EAPP: variants seen among roughly 807,000 people sequenced by gnomAD.
The protein encoded by EAPP is E2F-associated phosphoprotein.
In EAPP, 38 loss-of-function variants were observed where a neutral mutation model predicts 34.3. That is an observed-to-expected ratio of 1.11 (90% confidence interval 0.85 to 1.45). The LOEUF (loss-of-function observed/expected upper bound fraction) is 1.45. Among genes scored for constraint, EAPP ranks in the 40% most tolerant of loss-of-function variants. The probability of loss-of-function intolerance (pLI) is 0.00; values close to 1 mark genes in which losing one functional copy is unlikely to be tolerated. For synonymous variants in EAPP, 113 were observed against 117.6 expected (o/e 0.96, Z 0.25); for missense variants, 338 against 343.7 (o/e 0.98, Z 0.13).
rs1260517863 is a variant in EAPP, at chr14:34,536,109, A to G, written c.241T>C (p.Ser81Pro). Residue 81 changes from serine (S) to proline (P), a missense_variant, in exon 2 of 6, where the codon TCC becomes CCC. By Grantham distance (74) the Ser-to-Pro change is moderately conservative. Transcript: ENST00000250454. Reference protein sequence around the residue: ...STMKTMEDKLSSLGTGSSSGN... With the variant: ...STMKTMEDKLPSLGTGSSSGN... ...AAAAGTTTACCAGTTCCCAGAGAGG[A>G]TAACTTGTCCTCCATTGTTTTCATG... The G allele has an allele frequency of 1.9e-6, 3 of 1,609,754 alleles. No individual in the cohort carries two copies. Among genetic ancestry groups the G allele is most frequent in the Non-Finnish European group, 2.5e-6 (3 of 1,178,884 alleles).
intron 1 of EAPP, 177 bp downstream of exon 1, chr14:34,539,378 T>TC (rs974793034): frequency 2.2e-5 from 16 of 723,532 alleles, no homozygotes; most frequent in African/African-American, 1.7e-4. Flanking sequence ...CGGCACCGCC[T>TC]CCCCCCGGGA....
chr14:34,529,453 C>CT lies in EAPP; in HGVS notation c.374dup (p.Lys126GlufsTer10), dbSNP rs1257825851. On this transcript the variant is annotated frameshift_variant, in exon 4 of 6. Coordinates refer to ENST00000250454, the MANE Select transcript of EAPP (RefSeq NM_018453.4). LOFTEE classifies it high-confidence loss of function. Reference sequence around the variant, plus strand: ...TTGTTGGAATCTTGTGTTGTTTCTTCTTTTTTTTCTTGGTCACCTGTACTA... The same window carrying CT: ...TTGTTGGAATCTTGTGTTGTTTCTTCTTTTTTTTTCTTGGTCACCTGTACTA... The CT allele has an allele frequency of 5.6e-6, 9 of 1,610,954 alleles. No homozygotes were observed. The highest frequency in any genetic ancestry group is 1.1e-5 in the South Asian group (1 of 90,864).
rs749561653 is a variant in EAPP, at chr14:34,529,362, T to G, written c.466A>C (p.Arg156=). 2 of 1,594,842 alleles carry G rather than the reference T, an allele frequency of 1.3e-6. No individual in the cohort carries two copies. Among genetic ancestry groups the G allele is most frequent in the East Asian group, 4.5e-5 (2 of 44,774 alleles). Residue 156 remains arginine, a synonymous_variant, in exon 4 of 6, where the codon AGG becomes CGG. Coordinates refer to ENST00000250454, the MANE Select transcript of EAPP (RefSeq NM_018453.4). ...ATATTAACTTTAAGTTCTTACCCCC[T>G]TCTCTGTGCATCAACCCAGGCCTGA... ...RDQAWVDAQR[R]GYHGLGPQRS...
intron 5 of EAPP, among the ~76,000 whole-genome samples, chr14:34,518,768 G>C (rs564436047): frequency 6.6e-6 from 1 of 152,184 alleles, no homozygotes; most frequent in East Asian, 1.9e-4. Context: ...TACAGTCCTT[G>C]ATTGTAGTCT....
intron 3 of EAPP, among the ~76,000 whole-genome samples, chr14:34,531,369 G>A (rs1880283195): frequency 6.6e-6 from 1 of 152,078 alleles, no homozygotes; most frequent in South Asian, 2.1e-4. Flanking sequence ...TTGGAAGCCT[G>A]AGGCGGGCGG....
intron 3 of EAPP, 37 bp from the exon 4 acceptor site, chr14:34,529,512 T>A: frequency 7.4e-7 from 1 of 1,346,582 alleles, no homozygotes; most frequent in South Asian, 1.2e-5. Flanking sequence ...CTAAGAATCA[T>A]GTGTCAAGTT....
intron 2 of EAPP, chr14:34,535,734 A>G (rs778781369): frequency 1.9e-5 from 3 of 162,130 alleles, no homozygotes; most frequent in East Asian, 1.8e-4. Flanking sequence ...GCCCGGCCCA[A>G]ATTTTTTTTT....
At chr14:34,517,145 A>G (rs764513732) in intron 5 of EAPP, among the ~76,000 whole-genome samples, 28 of 151,048 alleles carry the variant, frequency 1.9e-4, no homozygotes, top group Non-Finnish European at 3.2e-4. Context: ...TCATTGTGTT[A>G]GCCAGGATGG....
intron 4 of EAPP, among the ~76,000 whole-genome samples, chr14:34,526,101 C>T (rs1454595119): frequency 1.3e-5 from 2 of 151,450 alleles, no homozygotes; most frequent in African/African-American, 4.8e-5. Context: ...AATAAAAGTC[C>T]ATGAATTTTT....
At chr14:34,525,480 A>G (rs1185203499) in intron 4 of EAPP, among the ~76,000 whole-genome samples, 1 of 152,162 alleles carries the variant, frequency 6.6e-6, no homozygotes, top group Admixed American at 6.6e-5. Context: ...TCCCATCCTA[A>G]TTATGAGAAA....
In EAPP at chr14:34,523,069, C is replaced by A. The variant is rs1269275086; in HGVS notation, c.581+1628G>T. Among the ~76,000 whole-genome samples the A allele has an allele frequency of 2.6e-5, 4 of 151,982 alleles. No individual in the cohort carries two copies. The South Asian group carries it at 6.2e-4, about 24-fold the overall frequency. The stretch of plus-strand genomic sequence containing the variant: ...GGAAGAACAATTCTCTTACTGTCTG[C>A]TTTAAGTTTTTTTTACTTCTCTGTG... On this transcript the variant is annotated intron_variant, in intron 5 of 5. Transcript: ENST00000250454.
rs546267694 is a variant in EAPP, at chr14:34,536,268, C to A, written c.82G>T (p.Asp28Tyr). 1 of 1,604,216 alleles carries A rather than the reference C, an allele frequency of 6.2e-7. No individual in the cohort carries two copies. Among genetic ancestry groups the A allele is most frequent in the African/African-American group, 1.3e-5 (1 of 74,464 alleles). The change falls in exon 2 of 6, where the codon GAT becomes TAT. Residue 28 changes from aspartate (D) to tyrosine (Y), a missense_variant. Transcript: ENST00000250454. ...CCATGTAAAAGCACATCCACTTCAT[C>A]CTCAGAGCTAGCATACATTTAAATC... is the stretch of plus-strand genomic sequence containing the variant. ...DEEPALSSSE[D>Y]EVDVLLHGTP... is the part of the protein sequence containing the mutation.
At chr14:34,535,391 A>G (rs984294881) in intron 2 of EAPP, among the ~76,000 whole-genome samples, 2 of 151,022 alleles carry the variant, frequency 1.3e-5, no homozygotes, top group African/African-American at 4.9e-5. Context: ...CGGCCTCCCA[A>G]AGTGCTAGGA....
At chr14:34,533,409 A>C in intron 3 of EAPP, 35 bp downstream of exon 3, 1 of 1,519,222 alleles carries the variant, frequency 6.6e-7, no homozygotes, top group South Asian at 1.1e-5. Context: ...TTTTTATAAA[A>C]TATAACTGCT....
chr14:34,519,106 C>T (rs902586163), intron 5 of EAPP, among the ~76,000 whole-genome samples: 1 of 152,104 alleles, frequency 6.6e-6, no homozygotes, highest in African/African-American at 2.4e-5. Flanking sequence ...CAGACTTCCC[C>T]CTCGTGCTGC....
At position 34,534,132 on chromosome 14, in the gene EAPP, T is replaced by G. The variant is rs1594669786; in HGVS notation, c.257-593A>C. On this transcript the variant is annotated intron_variant, in intron 2 of 5. Coordinates refer to ENST00000250454, the MANE Select transcript of EAPP (RefSeq NM_018453.4). ...GGAAATCAATGCTGAAGAGTCCTAC[T>G]TCCTTTTTTTTTTTTTTTGAGACTG... Among the ~76,000 whole-genome samples, 3 of 151,596 alleles carry G rather than the reference T, an allele frequency of 2.0e-5. 1 individual carries two copies. In the South Asian group the frequency reaches 6.2e-4, roughly 31 times the overall value.
Position 34,516,490 on chromosome 14 carries a change from C to T in EAPP, c.678G>A (p.Arg226=). 1 of 1,614,146 alleles carries T rather than the reference C, an allele frequency of 6.2e-7. No individual in the cohort carries two copies. The highest frequency in any genetic ancestry group is 1.3e-5 in the African/African-American group (1 of 75,048). The change falls in exon 6 of 6, where the codon AGG becomes AGA. Residue 226 remains arginine (R), a synonymous_variant. Coordinates refer to ENST00000250454, the MANE Select transcript of EAPP (RefSeq NM_018453.4). ...EVLRYKASEN[R]KKRRVHKKMR... is the part of the protein sequence containing the mutation. The stretch of plus-strand genomic sequence containing the variant: ...TCTTCTTATGGACCCGCCTTTTCTT[C>T]CTGTTCTCTGAGGCTTTATATCTTA...
At chr14:34,529,823 C>T (rs1880223623) in intron 3 of EAPP, among the ~76,000 whole-genome samples, 1 of 152,086 alleles carries the variant, frequency 6.6e-6, no homozygotes, top group Non-Finnish European at 1.5e-5. Flanking sequence ...CGAGACCAGC[C>T]TGGCCAACAT....
chr14:34,538,035 T>C (rs1298994176), intron 1 of EAPP, among the ~76,000 whole-genome samples: 5 of 152,116 alleles, frequency 3.3e-5, no homozygotes, highest in African/African-American at 9.7e-5. Context: ...ATCTTTACAG[T>C]TACCTTACCA....
Sources: gnomAD v4.1 joint callset for allele counts (sites outside exome capture counted in the v4.1 genomes callset) on GRCh38, gnomAD v4.1.1 for gene constraint, MANE v1.5 for transcripts, NCBI Gene and HGNC (gene_info 2026-07-23, HGNC 2026-07-21) for gene names.